Variants in ANKRD12 observed in about 807,000 individuals in gnomAD.
The protein encoded by ANKRD12 is ankyrin repeat domain 12, also known as ankyrin repeat domain-containing protein 12.
A neutral mutation model predicts 183.4 loss-of-function variants in ANKRD12; 85 were observed. That is an observed-to-expected ratio of 0.46 (90% CI 0.39 to 0.56). ANKRD12 has a LOEUF of 0.56. Among genes scored for constraint, ANKRD12 ranks in the 20% least tolerant of loss-of-function variants. The pLI, the probability that ANKRD12 is intolerant of heterozygous loss-of-function variation, is 0.00. For synonymous variants in ANKRD12, 914 were observed against 800.2 expected (o/e 1.14, Z -2.40); for missense variants, 2,405 against 2,357.1 (o/e 1.02, Z -0.42).
chr18:9,165,000 T>C (rs575585813), intron 1 of ANKRD12, among the ~76,000 whole-genome samples: 8 of 152,318 alleles, frequency 5.3e-5, no homozygotes, highest in Admixed American at 5.2e-4. Flanking sequence ...AGTGGGGTGT[T>C]AAAGTCTCCC....
intron 1 of ANKRD12, among the ~76,000 whole-genome samples, chr18:9,164,397 C>T (rs1486617168): frequency 6.6e-6 from 1 of 151,896 alleles, no homozygotes; most frequent in African/African-American, 2.4e-5. Context: ...GTGTCTGTCT[C>T]CTTCAGTTCA....
In ANKRD12 at chr18:9,178,101, G is replaced by A. The variant is rs532740998; in HGVS notation, c.-51-4281G>A. 2.6e-5 allele frequency among the ~76,000 whole-genome samples: 4 copies of A among 152,260 alleles called. No homozygotes were observed. In the South Asian group the frequency reaches 8.3e-4, roughly 32 times the overall value. On this transcript the variant is annotated intron_variant, in intron 1 of 12. Coordinates refer to ENST00000262126, the MANE Select transcript of ANKRD12 (RefSeq NM_015208.5). Reference sequence around the variant, plus strand: ...TTCATTTTCTTAACACCTTAACAGGGTAATTTAAAGAGCAGAAGTTTTTGT... The same window carrying A: ...TTCATTTTCTTAACACCTTAACAGGATAATTTAAAGAGCAGAAGTTTTTGT...
intron 10 of ANKRD12, among the ~76,000 whole-genome samples, chr18:9,272,950 A>T (rs1405241705): frequency 1.3e-5 from 2 of 150,806 alleles, no homozygotes; most frequent in African/African-American, 4.9e-5. Flanking sequence ...AGAGGAGAGA[A>T]TGGGAAACGT....
chr18:9,254,044 A>T (rs1221533123), intron 8 of ANKRD12, among the ~76,000 whole-genome samples, 167 bp from the exon 9 acceptor site: 1 of 152,212 alleles, frequency 6.6e-6, no homozygotes, highest in Non-Finnish European at 1.5e-5. Flanking sequence ...ACACTATCAG[A>T]GTTCTTACAC....
At chr18:9,246,211 C>T (rs961295294) in intron 8 of ANKRD12, among the ~76,000 whole-genome samples, 1 of 152,132 alleles carries the variant, frequency 6.6e-6, no homozygotes, top group African/African-American at 2.4e-5. Context: ...GCAAATGCAA[C>T]AAAGTTGATA....
chr18:9,274,826 G>T (rs1027329665), intron 10 of ANKRD12, among the ~76,000 whole-genome samples: 1 of 152,190 alleles, frequency 6.6e-6, no homozygotes, highest in Non-Finnish European at 1.5e-5. Context: ...TTGTTTGTTT[G>T]TAGAGATGGG....
chr18:9,176,010 G>A (rs1283865502), intron 1 of ANKRD12, among the ~76,000 whole-genome samples: 1 of 152,162 alleles, frequency 6.6e-6, no homozygotes, highest in Non-Finnish European at 1.5e-5. Context: ...GACAAGACTT[G>A]TTGTATTGCA....
intron 11 of ANKRD12, among the ~76,000 whole-genome samples, chr18:9,277,277 C>T (rs113658850): frequency 2.0e-5 from 3 of 149,608 alleles, no homozygotes; most frequent in Admixed American, 1.3e-4. Context: ...GGTATGATTG[C>T]GCCCGCTGCA....
chr18:9,169,120 G>C (rs1315747572), intron 1 of ANKRD12, among the ~76,000 whole-genome samples: 1 of 152,154 alleles, frequency 6.6e-6, no homozygotes, highest in Non-Finnish European at 1.5e-5. Context: ...TACATTTGCT[G>C]AGGAGTGCTT....
At chr18:9,161,740 G>GTA (rs1332916173) in intron 1 of ANKRD12, among the ~76,000 whole-genome samples, 2 of 147,740 alleles carry the variant, frequency 1.4e-5, no homozygotes, top group Admixed American at 6.7e-5. Flanking sequence ...ATATGTTGAT[G>GTA]TGTGTGTGTG....
chr18:9,184,397 T>TG (rs1163399378), intron 2 of ANKRD12, among the ~76,000 whole-genome samples: 2 of 152,132 alleles, frequency 1.3e-5, no homozygotes, highest in African/African-American at 4.8e-5. Flanking sequence ...TGGCCATTTT[T>TG]TTTTCCTTTT....
chr18:9,246,713 A>C lies in ANKRD12; in HGVS notation c.944-7498A>C, dbSNP rs115057176. 6.6e-3 allele frequency among the ~76,000 whole-genome samples: 1,007 copies of C among 152,354 alleles called. 21 individuals carry two copies. The highest frequency in any genetic ancestry group is 0.023 in the African/African-American group (951 of 41,588). On this transcript the variant is annotated intron_variant, in intron 8 of 12. Coordinates refer to ENST00000262126, the MANE Select transcript of ANKRD12 (RefSeq NM_015208.5). ...ATTTGATGTCAAAAGTATGTTATTT[A>C]TAAGTTTTTAATTTACATGATACAT...
At chr18:9,172,227 A>C (rs971208061) in intron 1 of ANKRD12, among the ~76,000 whole-genome samples, 3 of 151,908 alleles carry the variant, frequency 2.0e-5, no homozygotes, top group African/African-American at 7.3e-5. Flanking sequence ...TGATCATCTT[A>C]CTGGGGTTCT....
In ANKRD12 at chr18:9,258,401, CAGTT is replaced by C. The variant is rs1482169329; in HGVS notation, c.5140_5143del (p.Val1714LysfsTer2). The stretch of plus-strand genomic sequence containing the variant: ...TCAACCAGAAATGCATAAATATGGT[CAGTT>C]AGTTAAAGTAGAATTAGAAGAAAAT... On this transcript the variant is annotated frameshift_variant, in exon 9 of 13. Coordinates refer to ENST00000262126, the MANE Select transcript of ANKRD12 (RefSeq NM_015208.5). LOFTEE classifies it high-confidence loss of function. 2 of 1,613,610 alleles carry C rather than the reference CAGTT, an allele frequency of 1.2e-6. No individual in the cohort carries two copies. The highest frequency in any genetic ancestry group is 1.7e-5 in the Admixed American group (1 of 59,864).
At chr18:9,250,646 G>C (rs1426864015) in intron 8 of ANKRD12, among the ~76,000 whole-genome samples, 1 of 152,138 alleles carries the variant, frequency 6.6e-6, no homozygotes, top group African/African-American at 2.4e-5. Flanking sequence ...TTGAGCCCAG[G>C]TAGGAGGCTG....
Position 9,138,664 on chromosome 18 carries a change from T to C in ANKRD12, c.-52+1699T>C, listed in dbSNP as rs190565267. ...CAGAACTGGCAGAACATATGCTCTATTGGTGCCAAGTGGCTTAAAAGCAAA... is the reference window on the plus strand; with the variant it reads ...CAGAACTGGCAGAACATATGCTCTACTGGTGCCAAGTGGCTTAAAAGCAAA... On this transcript the variant is annotated intron_variant, in intron 1 of 12. Coordinates refer to ENST00000262126, the MANE Select transcript of ANKRD12 (RefSeq NM_015208.5). Among the ~76,000 whole-genome samples the C allele has an allele frequency of 1.2e-3, 177 of 152,376 alleles. 1 individual carries two copies. Among genetic ancestry groups the C allele is most frequent in the Admixed American group, 1.7e-3 (26 of 15,306 alleles).
chr18:9,157,305 C>T (rs949106461), intron 1 of ANKRD12, among the ~76,000 whole-genome samples: 4 of 152,070 alleles, frequency 2.6e-5, no homozygotes, highest in South Asian at 2.1e-4. Flanking sequence ...TTGATCATCT[C>T]GTGGTTGTTT....
chr18:9,280,848 C>A, intron 12 of ANKRD12, 93 bp from the exon 13 acceptor site: 2 of 1,142,564 alleles, frequency 1.8e-6, no homozygotes, highest in Non-Finnish European at 2.6e-6. Flanking sequence ...CTGATGTGTC[C>A]ATTTTAGTTC....
At chr18:9,210,119 G>A (rs925519172) in intron 5 of ANKRD12, among the ~76,000 whole-genome samples, 2 of 151,986 alleles carry the variant, frequency 1.3e-5, no homozygotes, top group East Asian at 3.9e-4. Context: ...AATTAGAATG[G>A]AAAACTTTTG....
Sources: allele counts gnomAD v4.1 joint callset (sites outside exome capture counted in the v4.1 genomes callset), GRCh38; gene constraint gnomAD v4.1.1; transcripts MANE v1.5; gene names NCBI Gene and HGNC (gene_info 2026-07-23, HGNC 2026-07-21).